KBTBD12: variants seen among roughly 807,000 people sequenced by gnomAD.
KBTBD12 encodes kelch repeat and BTB domain-containing protein 12.
In KBTBD12, 53 loss-of-function variants were observed where a neutral mutation model predicts 58.7. The ratio of observed to expected loss-of-function variants is 0.90; its 90% CI spans 0.72 to 1.14. The LOEUF is 1.14. Among genes scored for constraint, KBTBD12 ranks in the 50% most tolerant of loss-of-function variants. The pLI, the probability that KBTBD12 is intolerant of heterozygous loss-of-function variation, is 0.00. For synonymous variants in KBTBD12, 236 were observed against 259.8 expected (o/e 0.91, Z 0.88); for missense variants, 704 against 751.3 (o/e 0.94, Z 0.74).
intron 5 of KBTBD12, among the ~76,000 whole-genome samples, chr3:127,983,628 C>T (rs976749124): frequency 6.6e-6 from 1 of 152,134 alleles, no homozygotes; most frequent in African/African-American, 2.4e-5. Flanking sequence ...TGGCATGTGC[C>T]TGTAATCCCA....
intron 1 of KBTBD12, among the ~76,000 whole-genome samples, chr3:127,915,884 G>C (rs73860727): frequency 0.057 from 8,665 of 152,274 alleles, 282 homozygotes; most frequent in East Asian, 0.097. Context: ...TGTGCCTTCC[G>C]TCGCTAGACT....
At chr3:127,926,797 T>A (rs1254630884) in intron 2 of KBTBD12, among the ~76,000 whole-genome samples, 1 of 152,176 alleles carries the variant, frequency 6.6e-6, no homozygotes, top group East Asian at 1.9e-4. Flanking sequence ...AATTTCCATG[T>A]TTTCCTGTTT....
intron 5 of KBTBD12, among the ~76,000 whole-genome samples, chr3:127,972,456 C>G (rs2107614799): frequency 6.6e-6 from 1 of 152,234 alleles, no homozygotes; most frequent in Non-Finnish European, 1.5e-5. Context: ...ATTCAACAAA[C>G]CTTTATTGAA....
At chr3:127,948,098 G>T (rs760628497) in intron 4 of KBTBD12, among the ~76,000 whole-genome samples, 18 of 152,306 alleles carry the variant, frequency 1.2e-4, no homozygotes, top group Admixed American at 2.0e-4. Flanking sequence ...TTTACAAAGG[G>T]AAAAAGGAAA....
chr3:127,980,271 A>G (rs1372867523), intron 5 of KBTBD12, among the ~76,000 whole-genome samples: 3 of 152,250 alleles, frequency 2.0e-5, no homozygotes, highest in Non-Finnish European at 1.5e-5. Context: ...GAGGTCTAAC[A>G]GAATTCCCAA....
chr3:127,924,375 T>C (rs1183341929), intron 2 of KBTBD12, among the ~76,000 whole-genome samples: 1 of 148,454 alleles, frequency 6.7e-6, no homozygotes, highest in African/African-American at 2.4e-5. Flanking sequence ...AAATATATAA[T>C]GTATATTATA....
In KBTBD12 at chr3:127,963,190, T is replaced by G; in HGVS notation, c.1494T>G (p.Gly498=). The G allele has an allele frequency of 1.3e-6, 2 of 1,596,740 alleles. No individual in the cohort carries two copies. The highest frequency in any genetic ancestry group is 1.7e-6 in the Non-Finnish European group (2 of 1,170,672). The change falls in exon 5 of 6, where the codon GGT becomes GGG. Residue 498 remains glycine, a splice_region_variant and synonymous_variant. Transcript: ENST00000405109. ...ATTTCTCCACATAATTCTCTGCAGG[T>G]GGCATTGGCTGTGTAGGTCAAGACA... ...AVVNSEIYVL[G]GIGCVGQDKG... is the part of the protein sequence containing the mutation.
Position 127,986,295 on chromosome 3 carries a change from G to T in KBTBD12, c.*2017G>T, listed in dbSNP as rs545658642. The T allele has an allele frequency of 2.0e-5, 3 of 152,678 alleles. No individual in the cohort carries two copies. The South Asian group carries it at 6.2e-4, about 32-fold the overall frequency. The allele number at this position is 152,678 out of a possible 1,614,324, so 9.5% of individuals were successfully genotyped here. On this transcript the variant is annotated 3_prime_UTR_variant, in exon 6 of 6. Transcript: ENST00000405109. Reference sequence around the variant, plus strand: ...AAAATATTAATACATACTTTATAGGGTTGGTATGAGGATTAAGTGCTGAGC... The same window carrying T: ...AAAATATTAATACATACTTTATAGGTTTGGTATGAGGATTAAGTGCTGAGC...
At chr3:127,965,609 A>G (rs1940547916) in intron 5 of KBTBD12, among the ~76,000 whole-genome samples, 1 of 152,258 alleles carries the variant, frequency 6.6e-6, no homozygotes, top group African/African-American at 2.4e-5. Flanking sequence ...TTCAATAAAA[A>G]TACATTGAAA....
At chr3:127,918,479 G>T (rs1028159644) in intron 1 of KBTBD12, among the ~76,000 whole-genome samples, 1 of 152,178 alleles carries the variant, frequency 6.6e-6, no homozygotes, top group Non-Finnish European at 1.5e-5. Flanking sequence ...TTGGGAGGCC[G>T]AGGCGGGCAG....
At chr3:127,920,389 A>C (rs1370487613) in intron 1 of KBTBD12, among the ~76,000 whole-genome samples, 1 of 146,756 alleles carries the variant, frequency 6.8e-6, no homozygotes, top group Non-Finnish European at 1.5e-5. Context: ...GATCTAGTTC[A>C]TTCTTTTTTT....
intron 5 of KBTBD12, among the ~76,000 whole-genome samples, chr3:127,968,581 C>T (rs1409537989): frequency 6.6e-6 from 1 of 152,094 alleles, no homozygotes; most frequent in African/African-American, 2.4e-5. Flanking sequence ...GGATTTATCC[C>T]AGAAATGAAA....
chr3:127,921,068 G>A (rs1333523085), intron 1 of KBTBD12, among the ~76,000 whole-genome samples: 1 of 151,992 alleles, frequency 6.6e-6, no homozygotes, highest in Admixed American at 6.5e-5. Context: ...TTTATTATTT[G>A]AAAAATATAT....
chr3:127,986,663 A>G lies in KBTBD12; in HGVS notation c.*2385A>G, dbSNP rs1244166610. ...ACCACCACACCCAGCTAATTTTTGT[A>G]TTTTTAGTAGAGACGGGGTTTCACC... On this transcript the variant is annotated 3_prime_UTR_variant, in exon 6 of 6. Coordinates refer to ENST00000405109, the MANE Select transcript of KBTBD12 (RefSeq NM_207335.4). 1 of 151,836 alleles carries G rather than the reference A, an allele frequency of 6.6e-6. No homozygotes were observed. The highest frequency in any genetic ancestry group is 1.5e-5 in the Non-Finnish European group (1 of 68,026). The allele number at this position is 151,836 out of a possible 1,614,324, so 9.4% of individuals were successfully genotyped here.
intron 5 of KBTBD12, among the ~76,000 whole-genome samples, chr3:127,979,239 G>C (rs1940835822): frequency 6.6e-6 from 1 of 152,188 alleles, no homozygotes; most frequent in African/African-American, 2.4e-5. Flanking sequence ...GAAAATATCA[G>C]ATCATACAAG....
At chr3:127,971,467 C>G (rs561498175) in intron 5 of KBTBD12, among the ~76,000 whole-genome samples, 4 of 152,202 alleles carry the variant, frequency 2.6e-5, no homozygotes, top group African/African-American at 7.2e-5. Flanking sequence ...CACTTTGGCT[C>G]TTGTTCCAGC....
At chr3:127,973,736 A>C (rs1940727083) in intron 5 of KBTBD12, among the ~76,000 whole-genome samples, 1 of 152,232 alleles carries the variant, frequency 6.6e-6, no homozygotes, top group Non-Finnish European at 1.5e-5. Context: ...ACCGGTATTC[A>C]GTGTACTATT....
rs537015755 is a variant in KBTBD12 at position 127,934,760 on chromosome 3, T to C, written c.1492+4477T>C. On this transcript the variant is annotated intron_variant, in intron 4 of 5. Transcript: ENST00000405109. ...GGCAACTAGGCAGTGGAATATTATA[T>C]TCAAAGTGTTACAAGAAAAAAAACT... Among the ~76,000 whole-genome samples the C allele has an allele frequency of 5.3e-5, 8 of 152,288 alleles. No homozygotes were observed. The South Asian group carries it at 1.7e-3, about 32-fold the overall frequency.
At chr3:127,943,105 T>C (rs1427024577) in intron 4 of KBTBD12, among the ~76,000 whole-genome samples, 3 of 152,136 alleles carry the variant, frequency 2.0e-5, no homozygotes, top group South Asian at 4.1e-4. Flanking sequence ...CACTGCCACA[T>C]TGGGGATCAA....
Sources: gnomAD v4.1 joint callset for allele counts (sites outside exome capture counted in the v4.1 genomes callset) on GRCh38, gnomAD v4.1.1 for gene constraint, MANE v1.5 for transcripts, NCBI Gene and HGNC (gene_info 2026-07-23, HGNC 2026-07-21) for gene names.